NAA35: variants seen among roughly 807,000 people sequenced by gnomAD.
NAA35 encodes MAK10 homolog, amino-acid N-acetyltransferase subunit.
A neutral mutation model predicts 101.7 loss-of-function variants in NAA35; 18 were observed. The ratio of observed to expected loss-of-function variants is 0.18; its 90% CI spans 0.12 to 0.26. The LOEUF is 0.26. NAA35 is among the 10% of genes least tolerant of loss of function. The pLI, the probability that NAA35 is intolerant of heterozygous loss-of-function variation, is 1.00. For missense variants in NAA35, 601 were observed against 886.8 expected, an observed-to-expected ratio of 0.68 and a Z score of 4.09; for synonymous variants, 267 against 273.1, an observed-to-expected ratio of 0.98 and a Z score of 0.22.
chr9:85,992,870 C>A (rs1224342521), intron 11 of NAA35, among the ~76,000 whole-genome samples: 1 of 152,102 alleles, frequency 6.6e-6, no homozygotes, highest in Non-Finnish European at 1.5e-5. Flanking sequence ...AAGACTATGT[C>A]TTTGTAGGAA....
intron 6 of NAA35, among the ~76,000 whole-genome samples, chr9:85,969,270 C>CAA (rs61275261): frequency 1.1e-4 from 12 of 105,626 alleles, no homozygotes; most frequent in South Asian, 3.2e-4. Context: ...CCTGGTATGT[C>CAA]AAAAAAAAAA....
At chr9:86,010,025 T>TG (rs1001254010) in intron 15 of NAA35, 94 bp downstream of exon 15, 66 of 913,708 alleles carry the variant, frequency 7.2e-5, no homozygotes, top group Admixed American at 4.4e-4. Context: ...CTGAGGCAGG[T>TG]GGATCACCTG....
chr9:86,009,810 C>A, intron 14 of NAA35, 55 bp from the exon 15 acceptor site: 8 of 1,350,344 alleles, frequency 5.9e-6, no homozygotes, highest in Non-Finnish European at 8.4e-6. Flanking sequence ...GCAGTAATTG[C>A]TGCTGCTTTT....
At position 86,024,319 on chromosome 9, in the gene NAA35, G is replaced by C. The variant is rs544204476; in HGVS notation, c.*2359G>C. Among the ~76,000 whole-genome samples, 2 of 152,302 alleles carry C rather than the reference G, an allele frequency of 1.3e-5. No individual in the cohort carries two copies. The highest frequency in any genetic ancestry group is 3.9e-4 in the East Asian group (2 of 5,184). Reference sequence around the variant, plus strand: ...GAGGGGAGAGGGTAGCAGCCTGGCCGAAGTATAGAGCAGGAAAAGGATGGC... The same window carrying C: ...GAGGGGAGAGGGTAGCAGCCTGGCCCAAGTATAGAGCAGGAAAAGGATGGC... On this transcript the variant is annotated 3_prime_UTR_variant, in exon 23 of 23. Coordinates refer to ENST00000361671, the MANE Select transcript of NAA35 (RefSeq NM_024635.4).
At chr9:85,997,585 C>T (rs1047725403) in intron 12 of NAA35, among the ~76,000 whole-genome samples, 1 of 152,088 alleles carries the variant, frequency 6.6e-6, no homozygotes, top group Admixed American at 6.5e-5. Context: ...TCAAGCGATC[C>T]ACCTGCTTTG....
At chr9:85,974,896 A>G (rs1830146082) in intron 6 of NAA35, 71 bp from the exon 7 acceptor site, 19 of 1,031,006 alleles carry the variant, frequency 1.8e-5, no homozygotes, top group Middle Eastern at 3.1e-4. Context: ...AATATAAAGA[A>G]AAGTTTTATA....
At chr9:86,015,352 T>C (rs1345537912) in intron 17 of NAA35, among the ~76,000 whole-genome samples, 1 of 152,178 alleles carries the variant, frequency 6.6e-6, no homozygotes, top group Non-Finnish European at 1.5e-5. Context: ...TGCTTTTTAA[T>C]TTCAAAATTA....
rs1366594158 is a variant in NAA35 at position 86,024,295 on chromosome 9, A to T, written c.*2335A>T. ...CCAGACAGAATGTGCACAGGCTTGG[A>T]GGGGAGAGGGTAGCAGCCTGGCCGA... On this transcript the variant is annotated 3_prime_UTR_variant, in exon 23 of 23. Transcript: ENST00000361671. 6.6e-6 allele frequency among the ~76,000 whole-genome samples: 1 copy of T among 152,148 alleles called. No homozygotes were observed. The highest frequency in any genetic ancestry group is 1.5e-5 in the Non-Finnish European group (1 of 68,024).
chr9:85,952,576 T>C (rs1440556118), intron 2 of NAA35, among the ~76,000 whole-genome samples: 1 of 152,132 alleles, frequency 6.6e-6, no homozygotes, highest in African/African-American at 2.4e-5. Context: ...TGAGCCATTG[T>C]GCCTGGCTGT....
intron 6 of NAA35, among the ~76,000 whole-genome samples, chr9:85,965,193 A>G (rs1007640451): frequency 6.6e-6 from 1 of 152,226 alleles, no homozygotes; most frequent in African/African-American, 2.4e-5. Flanking sequence ...CTAGCACTCT[A>G]TCCTACAAAT....
At position 85,968,246 on chromosome 9, in the gene NAA35, T is replaced by C. The variant is rs1043345068; in HGVS notation, c.516+6066T>C. On this transcript the variant is annotated intron_variant, in intron 6 of 22. Transcript: ENST00000361671. The stretch of plus-strand genomic sequence containing the variant: ...GTTATCTTCCTAAAAATAGGTATCC[T>C]GTCACCCAGGCTGGAGTTCAGTGGC... Among the ~76,000 whole-genome samples, 222 of 152,346 alleles carry C rather than the reference T, an allele frequency of 1.5e-3. 2 individuals carry two copies. The highest frequency in any genetic ancestry group is 5.2e-3 in the African/African-American group (215 of 41,586).
intron 2 of NAA35, among the ~76,000 whole-genome samples, chr9:85,946,380 C>T (rs1002382966): frequency 2.0e-5 from 3 of 152,142 alleles, no homozygotes; most frequent in Non-Finnish European, 4.4e-5. Context: ...ATCCTCTTGC[C>T]TCAGCTTCTA....
intron 13 of NAA35, among the ~76,000 whole-genome samples, chr9:86,007,034 T>C (rs1365995105): frequency 6.6e-6 from 1 of 152,260 alleles, no homozygotes; most frequent in Non-Finnish European, 1.5e-5. Context: ...TATAGCCATT[T>C]ACTATTTCAT....
At chr9:85,960,089 G>C (rs1026611007) in intron 5 of NAA35, among the ~76,000 whole-genome samples, 1 of 152,164 alleles carries the variant, frequency 6.6e-6, no homozygotes, top group Admixed American at 6.5e-5. Context: ...TCTTTTCAAT[G>C]AAGATAATAT....
chr9:86,005,167 A>G (rs1208400607), intron 13 of NAA35, among the ~76,000 whole-genome samples: 3 of 152,254 alleles, frequency 2.0e-5, no homozygotes, highest in Non-Finnish European at 4.4e-5. Flanking sequence ...CACCATGACC[A>G]AATAAGATTT....
Position 85,941,626 on chromosome 9 carries a change from C to G in NAA35, c.-6+353C>G, listed in dbSNP as rs548584842. 10 of 986,270 alleles carry G rather than the reference C, an allele frequency of 1.0e-5. No homozygotes were observed. The East Asian group carries it at 1.0e-3, about 101-fold the overall frequency. The allele number at this position is 986,270 out of a possible 1,614,324, so 61.1% of individuals were successfully genotyped here. On this transcript the variant is annotated intron_variant, in intron 1 of 22. Transcript: ENST00000361671. ...CTCAGGTGTGCCTCGGCCCTAGGCC[C>G]GGCCGGCGGGACCCTGCGGTGCCTG...
rs374157527 is a variant in NAA35, at chr9:85,956,346, CTTT to C, written c.125-5_125-3del. On this transcript the variant is annotated splice_polypyrimidine_tract_variant and intron_variant, in intron 2 of 22. Coordinates refer to ENST00000361671, the MANE Select transcript of NAA35 (RefSeq NM_024635.4). Reference sequence around the variant, plus strand: ...ATAAATATGTTCAAAGGGTTTTTCTCTTTTTTTTTTTAGAATTAAAGTTGGGAG... The same window carrying C: ...ATAAATATGTTCAAAGGGTTTTTCTCTTTTTTTTAGAATTAAAGTTGGGAG... The C allele has an allele frequency of 2.0e-4, 219 of 1,069,718 alleles. No homozygotes were observed. Among genetic ancestry groups the C allele is most frequent in the Non-Finnish European group, 2.5e-4 (192 of 782,736 alleles). The allele number at this position is 1,069,718 out of a possible 1,614,324, so 66.3% of individuals were successfully genotyped here. A position where few individuals can be genotyped will look rare whatever the true frequency, so the allele number is the denominator to read the frequency against.
rs183515558 is a variant in NAA35 at position 85,956,113 on chromosome 9, G to A, written c.125-247G>A. Reference sequence around the variant, plus strand: ...GATTGGAATATTATGGCCTGCGATGGGTCACTTATTCTCAAAAGTATTATT... The same window carrying A: ...GATTGGAATATTATGGCCTGCGATGAGTCACTTATTCTCAAAAGTATTATT... On this transcript the variant is annotated intron_variant, in intron 2 of 22. Transcript: ENST00000361671. Among the ~76,000 whole-genome samples, 245 of 152,032 alleles carry A rather than the reference G, an allele frequency of 1.6e-3. 1 individual carries two copies. Among genetic ancestry groups the A allele is most frequent in the African/African-American group, 3.7e-3 (155 of 41,472 alleles).
intron 2 of NAA35, among the ~76,000 whole-genome samples, chr9:85,950,227 TAGTG>T (rs1165665984): frequency 1.3e-5 from 2 of 152,160 alleles, no homozygotes; most frequent in African/African-American, 4.8e-5. Flanking sequence ...TAAAGTTTAA[TAGTG>T]AGAGATATGA....
Sources: allele counts gnomAD v4.1 joint callset (sites outside exome capture counted in the v4.1 genomes callset), GRCh38; gene constraint gnomAD v4.1.1; transcripts MANE v1.5; gene names NCBI Gene and HGNC (gene_info 2026-07-23, HGNC 2026-07-21).